Variants in RERE observed in about 807,000 individuals in gnomAD.
RERE encodes the protein arginine-glutamic acid dipeptide repeats protein.
A neutral mutation model predicts 146.1 loss-of-function variants in RERE; 40 were observed. The ratio of observed to expected loss-of-function variants is 0.27; its 90% CI spans 0.21 to 0.36. The LOEUF is 0.36. Among genes scored for constraint, RERE ranks in the 10% least tolerant of loss-of-function variants. RERE has a pLI of 1.00. For missense variants in RERE, 1,933 were observed against 2,138.7 expected, an observed-to-expected ratio of 0.90 and a Z score of 1.90; for synonymous variants, 1,003 against 866.0, an observed-to-expected ratio of 1.16 and a Z score of -2.78.
chr1:8,447,399 T>C lies in RERE; in HGVS notation c.1203+18526A>G, dbSNP rs569179640. 8.5e-5 allele frequency among the ~76,000 whole-genome samples: 13 copies of C among 152,316 alleles called. No homozygotes were observed. The East Asian group carries it at 2.5e-3, about 29-fold the overall frequency. On this transcript the variant is annotated intron_variant, in intron 11 of 22. Transcript: ENST00000400908. ...GTTCTGGTTTTTGGAATTTTCAGAC[T>C]TTTTGCCTTGTTTTTTCCTCATCTT...
intron 1 of RERE, among the ~76,000 whole-genome samples, chr1:8,719,668 A>C (rs1639825076): frequency 6.6e-6 from 1 of 152,142 alleles, no homozygotes; most frequent in African/African-American, 2.4e-5. Context: ...TATTCAAATA[A>C]TCTTCATTTC....
intron 1 of RERE, among the ~76,000 whole-genome samples, chr1:8,769,614 G>A (rs1035834076): frequency 6.6e-6 from 1 of 151,868 alleles, no homozygotes; most frequent in Non-Finnish European, 1.5e-5. Flanking sequence ...CAAGTACCTG[G>A]GACTACAGGC....
chr1:8,790,737 C>A (rs1052114855), intron 1 of RERE, among the ~76,000 whole-genome samples: 3 of 152,218 alleles, frequency 2.0e-5, no homozygotes, highest in Admixed American at 1.3e-4. Flanking sequence ...GCATGCGCCA[C>A]CATGCCCAAA....
At chr1:8,754,942 A>G (rs191353695) in intron 1 of RERE, among the ~76,000 whole-genome samples, 1 of 152,368 alleles carries the variant, frequency 6.6e-6, no homozygotes, top group East Asian at 1.9e-4. Flanking sequence ...AAGCCTCAAT[A>G]AACCCCTAAC....
At chr1:8,497,272 G>A in intron 9 of RERE, 133 bp downstream of exon 9, 1 of 866,930 alleles carries the variant, frequency 1.2e-6, no homozygotes, top group Non-Finnish European at 1.8e-6. Context: ...CGATTACAGA[G>A]GGTGTAACCA....
chr1:8,527,454 C>G (rs1645583564), intron 7 of RERE, among the ~76,000 whole-genome samples: 1 of 151,922 alleles, frequency 6.6e-6, no homozygotes, highest in Non-Finnish European at 1.5e-5. Context: ...AAAAAACAAA[C>G]TATCTAACCC....
At chr1:8,510,279 G>A (rs985338586) in intron 7 of RERE, among the ~76,000 whole-genome samples, 4 of 152,034 alleles carry the variant, frequency 2.6e-5, no homozygotes, top group African/African-American at 9.7e-5. Flanking sequence ...AAAATGAGGC[G>A]GCTTCAAGAG....
chr1:8,432,166 C>T (rs945144603), intron 11 of RERE, among the ~76,000 whole-genome samples: 15 of 152,168 alleles, frequency 9.9e-5, no homozygotes, highest in African/African-American at 2.9e-4. Context: ...TCCAAACTAT[C>T]GGTCTGCTAG....
rs752626238 is a variant in RERE, at chr1:8,361,279, G to A, written c.2228C>T (p.Ala743Val). 8 of 1,596,954 alleles carry A rather than the reference G, an allele frequency of 5.0e-6. No individual in the cohort carries two copies. Among genetic ancestry groups the A allele is most frequent in the Middle Eastern group, 3.3e-4 (2 of 6,010 alleles). ...MLQAQPPALQ[A>V]PTGVTPAPSS... ...GGGAGCTGGGGTGACCCCAGTGGGA[G>A]CCTGCAAGGCTGGGGGCTGGGCCTG... Residue 743 changes from alanine to valine, a missense_variant, in exon 18 of 23, where the codon GCT becomes GTT. By Grantham distance (64) the Ala-to-Val change is moderately conservative. This residue lies in a region of RERE where 1,255 missense variants were observed against 1,153.8 expected (regional missense o/e 1.09). Coordinates refer to ENST00000400908, the MANE Select transcript of RERE (RefSeq NM_001042681.2).
chr1:8,596,688 T>TC (rs1553190769), intron 4 of RERE, among the ~76,000 whole-genome samples: 1 of 151,050 alleles, frequency 6.6e-6, no homozygotes, highest in African/African-American at 2.4e-5. Context: ...TTTTTTTTTT[T>TC]CTGGTAGAGA....
chr1:8,396,469 G>T (rs1161714993), intron 12 of RERE, among the ~76,000 whole-genome samples: 1 of 152,150 alleles, frequency 6.6e-6, no homozygotes, highest in Non-Finnish European at 1.5e-5. Context: ...TGGAATTTGG[G>T]AAGAATGCAG....
intron 7 of RERE, among the ~76,000 whole-genome samples, chr1:8,529,292 T>C (rs1469706483): frequency 7.3e-6 from 1 of 137,344 alleles, no homozygotes; most frequent in African/African-American, 2.7e-5. Context: ...CCCTTCTTTT[T>C]TTTTTTTTTT....
intron 3 of RERE, among the ~76,000 whole-genome samples, chr1:8,617,188 C>T (rs1646862720): frequency 6.6e-6 from 1 of 151,782 alleles, no homozygotes; most frequent in Admixed American, 6.6e-5. Context: ...ACTAAGAATA[C>T]AAAAACATAG....
chr1:8,428,473 A>G (rs1644048109), intron 11 of RERE: 1 of 152,202 alleles, frequency 6.6e-6, no homozygotes, highest in Non-Finnish European at 1.5e-5. Context: ...TTTGTGCTCT[A>G]ATTTTTAGAT....
chr1:8,527,295 G>A (rs894377891), intron 7 of RERE, among the ~76,000 whole-genome samples: 18 of 152,140 alleles, frequency 1.2e-4, no homozygotes, highest in African/African-American at 3.9e-4. Context: ...ATTGGTATGT[G>A]AGACAACATA....
chr1:8,639,071 C>T (rs946144865), intron 2 of RERE, among the ~76,000 whole-genome samples: 1 of 151,830 alleles, frequency 6.6e-6, no homozygotes, highest in African/African-American at 2.4e-5. Context: ...CCGCGCCCAG[C>T]CAAGAAAAAT....
chr1:8,361,308 C>T lies in RERE; in HGVS notation c.2199G>A (p.Met733Ile), dbSNP rs755161601. 29 of 1,610,278 alleles carry T rather than the reference C, an allele frequency of 1.8e-5. No individual in the cohort carries two copies. Among genetic ancestry groups the T allele is most frequent in the Non-Finnish European group, 2.5e-5 (29 of 1,178,082 alleles). Residue 733 changes from methionine (M) to isoleucine (I), a missense_variant, in exon 18 of 23, where the codon ATG (methionine) becomes ATA (isoleucine). Coordinates refer to ENST00000400908, the MANE Select transcript of RERE (RefSeq NM_001042681.2). ...SDSDSSAQQQMLQAQPPALQA... is the reference protein window; with the variant it reads ...SDSDSSAQQQILQAQPPALQA... The stretch of plus-strand genomic sequence containing the variant: ...GCAAGGCTGGGGGCTGGGCCTGCAG[C>T]ATCTGCTGCTGGGCTGACGAGTCCG...
chr1:8,815,533 A>G (rs1298213065), intron 1 of RERE, among the ~76,000 whole-genome samples: 1 of 152,220 alleles, frequency 6.6e-6, no homozygotes, highest in Admixed American at 6.5e-5. Flanking sequence ...AAAAAGAAAG[A>G]GCAGCAGAAA....
At chr1:8,550,002 C>A (rs1040989398) in intron 6 of RERE, among the ~76,000 whole-genome samples, 1 of 152,152 alleles carries the variant, frequency 6.6e-6, no homozygotes, top group African/African-American at 2.4e-5. Context: ...GATCCTAGAA[C>A]AACAACGAGG....
Sources: gnomAD v4.1 joint callset for allele counts (sites outside exome capture counted in the v4.1 genomes callset) on GRCh38, gnomAD v4.1.1 for gene constraint, gnomAD v4.1.1 regional missense constraint, MANE v1.5 for transcripts, NCBI Gene and HGNC (gene_info 2026-07-23, HGNC 2026-07-21) for gene names.